Variants in SBNO1 observed in about 807,000 individuals in gnomAD.
SBNO1 encodes strawberry notch homolog 1, also known as protein strawberry notch homolog 1.
SBNO1 carries 23 observed loss-of-function variants against 173.6 expected under a neutral mutation model. The ratio of observed to expected loss-of-function variants is 0.13; its 90% CI spans 0.10 to 0.19. The LOEUF (loss-of-function observed/expected upper bound fraction) is 0.19. SBNO1 is among the 10% of genes least tolerant of loss of function. SBNO1 has a pLI of 1.00. For missense variants in SBNO1, 1,238 were observed against 1,671.2 expected (o/e 0.74, Z 4.52); for synonymous variants, 632 against 571.5 (o/e 1.11, Z -1.51).
chr12:123,325,531 T>TC lies in SBNO1; in HGVS notation c.1943dup (p.Glu649ArgfsTer4), dbSNP rs1265966484. 1 of 1,612,530 alleles carries TC rather than the reference T, an allele frequency of 6.2e-7. No individual in the cohort carries two copies. The highest frequency in any genetic ancestry group is 8.5e-7 in the Non-Finnish European group (1 of 1,178,972). On this transcript the variant is annotated frameshift_variant, in exon 15 of 32. Transcript: ENST00000602398. LOFTEE classifies it high-confidence loss of function. ...CAGTTGAAACAAAATCATTCAATTC[T>TC]CCCCCGCCCTCTTCCAAAGCTTCTA... is the stretch of plus-strand genomic sequence containing the variant.
In SBNO1 at chr12:123,294,896, AAC is replaced by A. The variant is rs1336499964; in HGVS notation, c.*1010_*1011del. On this transcript the variant is annotated 3_prime_UTR_variant, in exon 32 of 32. Transcript: ENST00000602398. Reference sequence around the variant, plus strand: ...ACAACAATAACAACAATAACAAAAGAACACACAGCAGAAGCCTCAAGTGTTTC... The same window carrying A: ...ACAACAATAACAACAATAACAAAAGAACACAGCAGAAGCCTCAAGTGTTTC... 1 of 152,238 alleles carries A rather than the reference AAC, an allele frequency of 6.6e-6. No individual in the cohort carries two copies. Among genetic ancestry groups the A allele is most frequent in the African/African-American group, 2.4e-5 (1 of 41,424 alleles). The allele number at this position is 152,238 out of a possible 1,614,324, so 9.4% of individuals were successfully genotyped here.
At chr12:123,340,837 C>T (rs963221825) in intron 5 of SBNO1, 151 bp downstream of exon 5, 30 of 601,704 alleles carry the variant, frequency 5.0e-5, no homozygotes, top group Middle Eastern at 8.5e-4. Flanking sequence ...ATTACTCCAG[C>T]GAGGTTTAAG....
In SBNO1 at chr12:123,315,604, C is replaced by T; in HGVS notation, c.2992G>A (p.Glu998Lys). The T allele has an allele frequency of 6.2e-7, 1 of 1,614,028 alleles. No homozygotes were observed. The highest frequency in any genetic ancestry group is 8.5e-7 in the Non-Finnish European group (1 of 1,179,948). Reference protein sequence around the residue: ...TAPEYVFLISELAGEQRFASI... With the variant: ...TAPEYVFLISKLAGEQRFASI... ...GCAAATCTTTGTTCTCCTGCCAGTT[C>T]AGATATCAGAAAGACATACTCAGGA... Residue 998 changes from glutamate (E) to lysine (K), a missense_variant, in exon 22 of 32, where the codon GAA becomes AAA. Physicochemically the swap from Glu to Lys is moderately conservative, Grantham distance 56 (BLOSUM62 1). Transcript: ENST00000602398.
At chr12:123,361,317 G>A (rs1015290247) in intron 1 of SBNO1, among the ~76,000 whole-genome samples, 2 of 152,110 alleles carry the variant, frequency 1.3e-5, no homozygotes, top group African/African-American at 4.8e-5. Context: ...GGGAGGCGGA[G>A]GTGGGTGGAT....
chr12:123,298,182 T>C lies in SBNO1; in HGVS notation c.3846-11A>G, dbSNP rs1181774884. ...TTGCAATTGCCGCGCCTAAGAAAAA[T>C]GGGAAAGAAATACATATGAGTGTCT... is the stretch of plus-strand genomic sequence containing the variant. On this transcript the variant is annotated splice_polypyrimidine_tract_variant and intron_variant, in intron 30 of 31. Transcript: ENST00000602398. 5 of 1,610,142 alleles carry C rather than the reference T, an allele frequency of 3.1e-6. No individual in the cohort carries two copies. The highest frequency in any genetic ancestry group is 1.7e-4 in the Middle Eastern group (1 of 6,052).
At chr12:123,299,193 C>T (rs1258857395) in intron 30 of SBNO1, among the ~76,000 whole-genome samples, 2 of 152,074 alleles carry the variant, frequency 1.3e-5, no homozygotes, top group African/African-American at 4.8e-5. Flanking sequence ...ACGGTGAAAC[C>T]CTGTCTCTAT....
intron 3 of SBNO1, among the ~76,000 whole-genome samples, 157 bp downstream of exon 3, chr12:123,347,872 G>A (rs1873394662): frequency 6.6e-6 from 1 of 152,088 alleles, no homozygotes; most frequent in South Asian, 2.1e-4. Flanking sequence ...CTGCCATTTT[G>A]CTCAAGCTGG....
At chr12:123,327,609 C>T (rs1485074311) in intron 12 of SBNO1, 30 bp from the exon 13 acceptor site, 5 of 1,604,148 alleles carry the variant, frequency 3.1e-6, no homozygotes, top group Non-Finnish European at 4.3e-6. Context: ...ACAGTAATTA[C>T]CAATACAGTA....
intron 1 of SBNO1, among the ~76,000 whole-genome samples, chr12:123,352,456 G>A (rs73231994): frequency 0.018 from 2,676 of 152,006 alleles, 39 homozygotes; most frequent in Non-Finnish European, 0.028. Context: ...AACACACCTG[G>A]TTAATTTTTG....
At position 123,325,843 on chromosome 12, in the gene SBNO1, TA is replaced by T. The variant is rs756528352; in HGVS notation, c.1876-245del. On this transcript the variant is annotated intron_variant, in intron 14 of 31. Transcript: ENST00000602398. ...GTGAAGCCCCTGCCCTTGTACAGTTTATAGTATCTTATGCTTTAAGTAGATA... is the reference window on the plus strand; with the variant it reads ...GTGAAGCCCCTGCCCTTGTACAGTTTTAGTATCTTATGCTTTAAGTAGATA... 5.3e-5 allele frequency among the ~76,000 whole-genome samples: 8 copies of T among 152,312 alleles called. No homozygotes were observed. The East Asian group carries it at 1.3e-3, about 26-fold the overall frequency.
In SBNO1 at chr12:123,291,610, G is replaced by C. The variant is rs1285389900; in HGVS notation, c.*4298C>G. Reference sequence around the variant, plus strand: ...CACAAAACAGGAATTCTACAGCAAAGATGCAAAACTGAATTCTAAAATACA... The same window carrying C: ...CACAAAACAGGAATTCTACAGCAAACATGCAAAACTGAATTCTAAAATACA... On this transcript the variant is annotated 3_prime_UTR_variant, in exon 32 of 32. Coordinates refer to ENST00000602398, the MANE Select transcript of SBNO1 (RefSeq NM_001167856.3). The C allele has an allele frequency of 7.1e-6, 1 of 141,124 alleles. No homozygotes were observed. Among genetic ancestry groups the C allele is most frequent in the Admixed American group, 7.3e-5 (1 of 13,688 alleles). 8.7% of individuals were successfully genotyped at this position (141,124 alleles called of 1,614,324 possible). A position where few individuals can be genotyped will look rare whatever the true frequency, so the allele number is the denominator to read the frequency against.
chr12:123,352,097 A>G (rs986071257), intron 1 of SBNO1, among the ~76,000 whole-genome samples: 9 of 152,048 alleles, frequency 5.9e-5, no homozygotes, highest in Non-Finnish European at 1.2e-4. Context: ...TATAGGGGGG[A>G]AAAAGAGCTT....
rs146628279 is a variant in SBNO1 at position 123,331,330 on chromosome 12, T to C, written c.955A>G (p.Ile319Val). ...TTTCCTACACCGGCACCATCACCTATTAAGAAGCCAGCACGATCTCCATTA... is the reference window on the plus strand; with the variant it reads ...TTTCCTACACCGGCACCATCACCTACTAAGAAGCCAGCACGATCTCCATTA... ...LPNGDRAGFL[I>V]GDGAGVGKGR... The change falls in exon 8 of 32, where the codon ATA becomes GTA. Residue 319 changes from isoleucine to valine, a missense_variant. Transcript: ENST00000602398. 8.7e-6 allele frequency: 14 copies of C among 1,613,880 alleles called. No homozygotes were observed. The highest frequency in any genetic ancestry group is 1.0e-5 in the Non-Finnish European group (12 of 1,179,884).
intron 31 of SBNO1, among the ~76,000 whole-genome samples, chr12:123,296,429 C>T (rs2048596304): frequency 7.5e-6 from 1 of 133,296 alleles, no homozygotes; most frequent in Non-Finnish European, 1.6e-5. Context: ...AACAGGTTAA[C>T]TTAGAAGAGC....
At chr12:123,337,412 G>A (rs544878015) in intron 5 of SBNO1, among the ~76,000 whole-genome samples, 7 of 152,284 alleles carry the variant, frequency 4.6e-5, no homozygotes, top group Non-Finnish European at 1.0e-4. Context: ...TATGCCAAGG[G>A]AAGAGGACAA....
intron 8 of SBNO1, among the ~76,000 whole-genome samples, chr12:123,330,765 G>A (rs144230631): frequency 3.9e-5 from 6 of 151,964 alleles, no homozygotes; most frequent in Admixed American, 6.6e-5. Flanking sequence ...AGAAGAGCCC[G>A]TATCTACAAA....
chr12:123,316,513 T>C (rs77807587), intron 21 of SBNO1, among the ~76,000 whole-genome samples: 7,233 of 152,028 alleles, frequency 0.048, 302 homozygotes, highest in East Asian at 0.25. Context: ...CGTGAGCCGC[T>C]GCGCCCAGCC....
intron 1 of SBNO1, among the ~76,000 whole-genome samples, chr12:123,360,411 A>G (rs917833783): frequency 1.3e-5 from 2 of 152,068 alleles, no homozygotes; most frequent in Admixed American, 6.6e-5. Context: ...ATGCTAAGAA[A>G]TGCCTAAACA....
intron 16 of SBNO1, among the ~76,000 whole-genome samples, chr12:123,323,079 A>G (rs1459900409): frequency 6.6e-6 from 1 of 152,180 alleles, no homozygotes; most frequent in African/African-American, 2.4e-5. Flanking sequence ...CTCTGTCTAT[A>G]AAATTGGAAA....
Sources: allele counts gnomAD v4.1 joint callset (sites outside exome capture counted in the v4.1 genomes callset), GRCh38; gene constraint gnomAD v4.1.1; transcripts MANE v1.5; gene names NCBI Gene and HGNC (gene_info 2026-07-23, HGNC 2026-07-21).